CDCP2: variants seen among roughly 807,000 people sequenced by gnomAD.
CDCP2 encodes CUB domain-containing protein 2.
A neutral mutation model predicts 31.0 loss-of-function variants in CDCP2; 31 were observed. The observed-to-expected ratio is 1.00, with a 90% CI of 0.75 to 1.35. CDCP2 has a LOEUF of 1.35. Ranked by LOEUF, CDCP2 falls within the 40% of genes most tolerant of loss-of-function variation. The pLI is 0.00. For missense variants in CDCP2, 443 were observed against 482.6 expected (o/e 0.92, Z 0.77); for synonymous variants, 206 against 207.9 (o/e 0.99, Z 0.08).
At chr1:54,152,276 C>G (rs1397963791) in intron 1 of CDCP2, among the ~76,000 whole-genome samples, 1 of 152,066 alleles carries the variant, frequency 6.6e-6, no homozygotes, top group Non-Finnish European at 1.5e-5. Flanking sequence ...CCAGCATGAC[C>G]AACATGGTGA....
At chr1:54,148,630 T>C (rs1659516232) in intron 1 of CDCP2, among the ~76,000 whole-genome samples, 1 of 151,678 alleles carries the variant, frequency 6.6e-6, no homozygotes, top group African/African-American at 2.4e-5. Flanking sequence ...AGTAATTCCA[T>C]GAGGACATAT....
At chr1:54,133,002 A>G in exon 6 of CDCP2, 1 of 399,022 alleles carries the variant, frequency 2.5e-6, no homozygotes. Flanking sequence ...GGCAATAACC[A>G]TGAGGATTCC....
chr1:54,144,596 G>A, exon 2 of CDCP2: 1 of 1,614,208 alleles, frequency 6.2e-7, no homozygotes, highest in South Asian at 1.1e-5. Context: ...CCAGCAGGTT[G>A]CCCTTGTCTG....
At chr1:54,149,541 C>T (rs1659539172) in intron 1 of CDCP2, among the ~76,000 whole-genome samples, 1 of 152,202 alleles carries the variant, frequency 6.6e-6, no homozygotes, top group South Asian at 2.1e-4. Context: ...AACAAAATAA[C>T]CAGCACATCC....
At chr1:54,149,972 C>T (rs1334093662) in intron 1 of CDCP2, among the ~76,000 whole-genome samples, 1 of 152,228 alleles carries the variant, frequency 6.6e-6, no homozygotes, top group Non-Finnish European at 1.5e-5. Context: ...TGGGTCTGCC[C>T]AATACCACTT....
intron 1 of CDCP2, among the ~76,000 whole-genome samples, chr1:54,152,006 C>T (rs189203747): frequency 6.6e-6 from 1 of 152,280 alleles, no homozygotes; most frequent in Admixed American, 6.5e-5. Context: ...TGTGATTCCC[C>T]TGCCAGAGCA....
intron 1 of CDCP2, among the ~76,000 whole-genome samples, chr1:54,150,241 G>T (rs913734116): frequency 3.3e-5 from 5 of 152,170 alleles, no homozygotes; most frequent in Non-Finnish European, 5.9e-5. Flanking sequence ...GGAGCCCTGG[G>T]GGTGGAACAA....
In CDCP2 at chr1:54,141,364, G is replaced by A. The variant is rs374398380; in HGVS notation, c.497C>T (p.Pro166Leu). Residue 166 changes from proline (P) to leucine (L), a missense_variant, in exon 3 of 6, where the codon CCG becomes CTG. By Grantham distance (98) the Pro-to-Leu change is moderately conservative. Transcript: ENST00000530059. ...CACCCAGTGGCACTCCATGCTGTTC[G>A]GGTAGTTGTTGGGATACTCAGGACT... 49 of 1,613,982 alleles carry A rather than the reference G, an allele frequency of 3.0e-5. No individual in the cohort carries two copies. Among genetic ancestry groups the A allele is most frequent in the African/African-American group, 4.0e-5 (3 of 74,950 alleles).
At chr1:54,152,810 C>A (rs1659606887) in intron 1 of CDCP2, 34 bp downstream of exon 1, 1 of 1,586,582 alleles carries the variant, frequency 6.3e-7, no homozygotes, top group Admixed American at 1.7e-5. Context: ...ACCTCCTTCC[C>A]CTCTCAGTTC....
chr1:54,147,984 C>T (rs1014556513), intron 1 of CDCP2, among the ~76,000 whole-genome samples: 44 of 150,578 alleles, frequency 2.9e-4, no homozygotes, highest in Non-Finnish European at 5.3e-4. Context: ...TGCACTCCAG[C>T]CTGGGCAACA....
At chr1:54,145,799 A>G (rs1659458088) in intron 1 of CDCP2, among the ~76,000 whole-genome samples, 1 of 152,208 alleles carries the variant, frequency 6.6e-6, no homozygotes, top group African/African-American at 2.4e-5. Context: ...GATCTCCTTA[A>G]ATGTGCCCTG....
exon 4 of CDCP2, chr1:54,140,030 G>A: frequency 1.2e-6 from 2 of 1,613,946 alleles, no homozygotes; most frequent in Non-Finnish European, 1.7e-6. Flanking sequence ...GGCAGCGGAT[G>A]TTGTTGGGGT....
intron 1 of CDCP2, among the ~76,000 whole-genome samples, chr1:54,149,331 T>C (rs943258539): frequency 5.9e-5 from 9 of 151,930 alleles, no homozygotes; most frequent in Non-Finnish European, 1.3e-4. Flanking sequence ...CATTCTGACA[T>C]ATTTATGGGT....
rs114248290 is a variant in CDCP2 at position 54,136,807 on chromosome 1, C to T, written c.1119G>A (p.Val373=). Residue 373 remains valine (V), a splice_region_variant and synonymous_variant, in exon 5 of 6, where the codon GTG becomes GTA. Transcript: ENST00000530059. ...GGGAGCAGCTCACGTTCATGGGCAC[C>T]ACTGGGAATCGGAGGGAGGAGCTGG... is the stretch of plus-strand genomic sequence containing the variant. 3.4e-3 allele frequency: 1,355 copies of T among 399,308 alleles called. 21 individuals carry two copies. The highest frequency in any genetic ancestry group is 0.025 in the African/African-American group (1,241 of 48,770). 24.7% of individuals were successfully genotyped at this position (399,308 alleles called of 1,614,324 possible). A position where few individuals can be genotyped will look rare whatever the true frequency, so the allele number is the denominator to read the frequency against.
intron 1 of CDCP2, among the ~76,000 whole-genome samples, chr1:54,146,191 T>A (rs1659466247): frequency 6.7e-6 from 1 of 149,386 alleles, no homozygotes; most frequent in Admixed American, 6.6e-5. Flanking sequence ...ATTTTTTTTT[T>A]TTTTTTTACG....
At chr1:54,137,663 ATG>A (rs113860529) in intron 4 of CDCP2, 13 of 144,946 alleles carry the variant, frequency 9.0e-5, no homozygotes, top group South Asian at 2.3e-4. Flanking sequence ...TTGGGTGAGC[ATG>A]TGTGTGTGTG....
At chr1:54,141,299 C>A in exon 3 of CDCP2, 1 of 1,614,212 alleles carries the variant, frequency 6.2e-7, no homozygotes, top group Middle Eastern at 1.6e-4. Flanking sequence ...TGGAAGTCCA[C>A]GAACACCAGC....
chr1:54,149,754 A>G (rs1301530231), intron 1 of CDCP2, among the ~76,000 whole-genome samples: 1 of 152,064 alleles, frequency 6.6e-6, no homozygotes, highest in Non-Finnish European at 1.5e-5. Flanking sequence ...GCCTCTCCCT[A>G]CCGTATTGCA....
At chr1:54,148,974 A>AATAT (rs1553174438) in intron 1 of CDCP2, among the ~76,000 whole-genome samples, 2,423 of 146,270 alleles carry the variant, frequency 0.017, 30 homozygotes, top group Non-Finnish European at 0.022. Flanking sequence ...TTAAAAAAAA[A>AATAT]ATATATATAT....
Sources: allele counts gnomAD v4.1 joint callset (sites outside exome capture counted in the v4.1 genomes callset), GRCh38; gene constraint gnomAD v4.1.1; transcripts MANE v1.5; gene names NCBI Gene and HGNC (gene_info 2026-07-23, HGNC 2026-07-21).